Variants in CAB39 observed in about 807,000 individuals in gnomAD.
CAB39 encodes the protein calcium-binding protein 39.
Under a neutral mutation model 40.0 loss-of-function variants are expected in CAB39, and 8 were observed. The ratio of observed to expected loss-of-function variants is 0.20; its 90% CI spans 0.12 to 0.36. The LOEUF (loss-of-function observed/expected upper bound fraction) is 0.36. CAB39 is among the 10% of genes least tolerant of loss of function. CAB39 has a pLI of 1.00. For missense variants in CAB39, 270 were observed against 401.1 expected (o/e 0.67, Z 2.79); for synonymous variants, 156 against 141.6 (o/e 1.10, Z -0.72).
intron 2 of CAB39, among the ~76,000 whole-genome samples, chr2:230,761,703 G>A (rs1695295003): frequency 6.6e-6 from 1 of 151,886 alleles, no homozygotes; most frequent in Admixed American, 6.6e-5. Flanking sequence ...TTATCTTTTG[G>A]TATGTGCTGC....
intron 1 of CAB39, among the ~76,000 whole-genome samples, chr2:230,759,343 A>G (rs1423035410): frequency 1.3e-5 from 2 of 152,214 alleles, no homozygotes; most frequent in Non-Finnish European, 2.9e-5. Flanking sequence ...GGAAAAGAGC[A>G]TCTGGAGAGA....
chr2:230,818,383 C>T, intron 8 of CAB39, 133 bp from the exon 9 acceptor site: 1 of 632,366 alleles, frequency 1.6e-6, no homozygotes, highest in Non-Finnish European at 2.7e-6. Flanking sequence ...CCTTCTAAAG[C>T]AAAACCTAAT....
At chr2:230,794,333 T>C (rs1454902021) in intron 4 of CAB39, among the ~76,000 whole-genome samples, 1 of 152,236 alleles carries the variant, frequency 6.6e-6, no homozygotes, top group East Asian at 1.9e-4. Flanking sequence ...ACAGAACTTT[T>C]GGCATCTAAT....
At chr2:230,790,757 C>T (rs955675914) in intron 2 of CAB39, 115 bp from the exon 3 acceptor site, 1 of 860,214 alleles carries the variant, frequency 1.2e-6, no homozygotes, top group African/African-American at 1.7e-5. Context: ...GCTTCTTGTT[C>T]ATAGGTCCAT....
chr2:230,729,486 C>G (rs550559095), intron 1 of CAB39, among the ~76,000 whole-genome samples: 2 of 152,036 alleles, frequency 1.3e-5, no homozygotes, highest in Non-Finnish European at 2.9e-5. Flanking sequence ...CGTGGTGGCT[C>G]ACGCCTGGAA....
At chr2:230,744,000 A>G (rs1694929284) in intron 1 of CAB39, among the ~76,000 whole-genome samples, 1 of 150,334 alleles carries the variant, frequency 6.7e-6, no homozygotes, top group African/African-American at 2.5e-5. Flanking sequence ...GCTCACTGCA[A>G]ACTTTGCCTC....
At chr2:230,728,881 G>A (rs1694634347) in intron 1 of CAB39, among the ~76,000 whole-genome samples, 1 of 152,110 alleles carries the variant, frequency 6.6e-6, no homozygotes, top group Non-Finnish European at 1.5e-5. Context: ...CCAAAATGCT[G>A]GAATTACAGG....
At chr2:230,720,475 G>A (rs995029171) in intron 1 of CAB39, among the ~76,000 whole-genome samples, 7 of 152,098 alleles carry the variant, frequency 4.6e-5, no homozygotes, top group African/African-American at 1.2e-4. Context: ...TCCCTCTGTC[G>A]CCCAGGCTGG....
intron 2 of CAB39, among the ~76,000 whole-genome samples, chr2:230,788,363 C>T (rs575368750): frequency 1.6e-4 from 24 of 151,820 alleles, no homozygotes; most frequent in African/African-American, 5.8e-4. Context: ...CAACATTATA[C>T]CTGTGTACCT....
chr2:230,747,585 C>G (rs1694997850), intron 1 of CAB39, among the ~76,000 whole-genome samples: 1 of 152,180 alleles, frequency 6.6e-6, no homozygotes, highest in Non-Finnish European at 1.5e-5. Flanking sequence ...TCACAGTGGT[C>G]ATTTTGCAGT....
intron 2 of CAB39, 71 bp from the exon 3 acceptor site, chr2:230,790,801 T>G: frequency 9.0e-6 from 12 of 1,333,758 alleles, no homozygotes; most frequent in Middle Eastern, 2.6e-4. Context: ...TTTGACAAAT[T>G]TTGACGTGTT....
chr2:230,807,200 G>A (rs1347558211), intron 5 of CAB39, among the ~76,000 whole-genome samples: 2 of 151,906 alleles, frequency 1.3e-5, no homozygotes, highest in African/African-American at 2.4e-5. Flanking sequence ...CTATTCTGTT[G>A]GTCTACACAC....
chr2:230,815,235 G>T (rs953131950), intron 7 of CAB39, among the ~76,000 whole-genome samples: 13 of 152,248 alleles, frequency 8.5e-5, no homozygotes, highest in Admixed American at 3.3e-4. Flanking sequence ...GACAGCCACA[G>T]CTGGGGAACA....
intron 6 of CAB39, among the ~76,000 whole-genome samples, chr2:230,812,090 T>A (rs945676231): frequency 5.3e-5 from 8 of 152,204 alleles, no homozygotes; most frequent in Admixed American, 5.2e-4. Context: ...GGCTCTGAGC[T>A]TTCTAATAAC....
intron 2 of CAB39, among the ~76,000 whole-genome samples, chr2:230,762,799 G>C (rs1342992154): frequency 6.6e-6 from 1 of 152,214 alleles, no homozygotes; most frequent in African/African-American, 2.4e-5. Flanking sequence ...AGATGAACAA[G>C]GTCTCTGCTC....
At chr2:230,748,299 G>T (rs1695011235) in intron 1 of CAB39, among the ~76,000 whole-genome samples, 1 of 152,046 alleles carries the variant, frequency 6.6e-6, no homozygotes, top group Non-Finnish European at 1.5e-5. Context: ...TTGTAGTTGG[G>T]TGGGGTGGGC....
intron 2 of CAB39, among the ~76,000 whole-genome samples, chr2:230,771,025 C>G (rs1428750477): frequency 6.6e-6 from 1 of 152,138 alleles, no homozygotes; most frequent in South Asian, 2.1e-4. Flanking sequence ...CAACTTCGTA[C>G]TTGGAGGTTC....
At chr2:230,778,299 C>T (rs1054102592) in intron 2 of CAB39, among the ~76,000 whole-genome samples, 2 of 152,136 alleles carry the variant, frequency 1.3e-5, no homozygotes, top group African/African-American at 2.4e-5. Flanking sequence ...AACGTAAGGC[C>T]GGTTTGGATC....
At chr2:230,741,915 A>G (rs1002288626) in intron 1 of CAB39, among the ~76,000 whole-genome samples, 3 of 152,188 alleles carry the variant, frequency 2.0e-5, no homozygotes, top group Non-Finnish European at 4.4e-5. Context: ...TTTTTTGTCT[A>G]TAACTAAGCA....
Sources: allele counts gnomAD v4.1 joint callset (sites outside exome capture counted in the v4.1 genomes callset), GRCh38; gene constraint gnomAD v4.1.1; transcripts MANE v1.5; gene names NCBI Gene and HGNC (gene_info 2026-07-23, HGNC 2026-07-21).